The following EYS variants were observed in gnomAD, a reference collection of about 807,000 sequenced individuals.
EYS encodes protein eyes shut homolog.
EYS carries 250 observed loss-of-function variants against 282.1 expected under a neutral mutation model. The observed-to-expected ratio is 0.89, with a 90% CI of 0.80 to 0.98. The LOEUF is 0.98. Among genes scored for constraint, EYS ranks in the 50% least tolerant of loss-of-function variants. The pLI is 0.00. For missense variants in EYS, 4,016 were observed against 3,709.0 expected, an observed-to-expected ratio of 1.08 and a Z score of -2.15; for synonymous variants, 1,355 against 1,282.9, an observed-to-expected ratio of 1.06 and a Z score of -1.20.
At chr6:64,016,075 C>T (rs1185018395) in intron 33 of EYS, among the ~76,000 whole-genome samples, 1 of 152,114 alleles carries the variant, frequency 6.6e-6, no homozygotes, top group East Asian at 1.9e-4. Context: ...CCACCTGGTA[C>T]CTTTGGGCTG....
At chr6:65,288,542 T>A (rs1203684835) in intron 12 of EYS, among the ~76,000 whole-genome samples, 1 of 150,884 alleles carries the variant, frequency 6.6e-6, no homozygotes, top group East Asian at 1.9e-4. Flanking sequence ...CCTCCTACCA[T>A]CAAACATCTT....
intron 26 of EYS, among the ~76,000 whole-genome samples, chr6:64,528,306 C>T (rs959350339): frequency 1.3e-5 from 2 of 151,872 alleles, no homozygotes; most frequent in Admixed American, 6.6e-5. Context: ...CCTCTTTTCA[C>T]TTCCGCATCA....
chr6:65,527,713 G>T (rs1767621064), intron 2 of EYS, among the ~76,000 whole-genome samples: 1 of 152,078 alleles, frequency 6.6e-6, no homozygotes, highest in Non-Finnish European at 1.5e-5. Context: ...AGGGAGACCG[G>T]GCATACACCT....
chr6:64,362,119 A>G (rs1354677141), intron 29 of EYS, among the ~76,000 whole-genome samples: 1 of 151,786 alleles, frequency 6.6e-6, no homozygotes, highest in Non-Finnish European at 1.5e-5. Context: ...GCTGCCATTT[A>G]TCTCCTCATA....
intron 28 of EYS, among the ~76,000 whole-genome samples, chr6:64,407,253 T>C (rs1170931220): frequency 6.9e-6 from 1 of 145,466 alleles, no homozygotes; most frequent in Non-Finnish European, 1.5e-5. Context: ...AAAAATGAGA[T>C]CACATGGACA....
At chr6:64,053,008 T>C (rs1410870958) in intron 33 of EYS, among the ~76,000 whole-genome samples, 1 of 152,164 alleles carries the variant, frequency 6.6e-6, no homozygotes, top group African/African-American at 2.4e-5. Context: ...GGCAAATACA[T>C]TAAAATTTTT....
At chr6:64,782,243 T>G (rs1330288654) in intron 22 of EYS, among the ~76,000 whole-genome samples, 1 of 152,222 alleles carries the variant, frequency 6.6e-6, no homozygotes, top group Admixed American at 6.5e-5. Context: ...TGCAATTCAA[T>G]GTAGATTACA....
intron 12 of EYS, among the ~76,000 whole-genome samples, chr6:65,128,465 C>G (rs1212793607): frequency 1.3e-5 from 2 of 151,978 alleles, no homozygotes; most frequent in South Asian, 4.1e-4. Context: ...AACTGATAGA[C>G]AACTTCAGTA....
chr6:65,510,429 G>T, intron 2 of EYS, among the ~76,000 whole-genome samples: 1 of 151,632 alleles, frequency 6.6e-6, no homozygotes, highest in East Asian at 1.9e-4. Context: ...TGGACATTTG[G>T]GAAATTTTTC....
chr6:64,536,961 T>A (rs1402849265), intron 26 of EYS, among the ~76,000 whole-genome samples: 1 of 152,004 alleles, frequency 6.6e-6, no homozygotes, highest in Non-Finnish European at 1.5e-5. Context: ...CATTTGTTTA[T>A]GTATTAGAGC....
intron 12 of EYS, among the ~76,000 whole-genome samples, chr6:65,191,881 C>T (rs962612335): frequency 4.6e-5 from 7 of 151,690 alleles, no homozygotes; most frequent in African/African-American, 1.7e-4. Flanking sequence ...TTTACAACTG[C>T]TAACTAGAAA....
chr6:65,072,706 A>T (rs752823721), intron 12 of EYS, among the ~76,000 whole-genome samples: 17 of 151,858 alleles, frequency 1.1e-4, no homozygotes, highest in Non-Finnish European at 2.1e-4. Context: ...TAATGAGGTC[A>T]TCAAATTCAA....
chr6:63,820,960 A>G (rs4142265), intron 36 of EYS, among the ~76,000 whole-genome samples: 1 of 152,136 alleles, frequency 6.6e-6, no homozygotes, highest in East Asian at 1.9e-4. Flanking sequence ...GATCAGACTC[A>G]AAAGCTTTGA....
chr6:64,548,528 G>C (rs1293219010), intron 26 of EYS, among the ~76,000 whole-genome samples: 2 of 152,098 alleles, frequency 1.3e-5, no homozygotes, highest in Non-Finnish European at 2.9e-5. Context: ...GTGCTTCGTG[G>C]GGACATGGAT....
At chr6:64,581,514 A>T (rs554273191) in intron 26 of EYS, among the ~76,000 whole-genome samples, 1 of 152,312 alleles carries the variant, frequency 6.6e-6, no homozygotes, top group East Asian at 1.9e-4. Context: ...CTATGTAAGA[A>T]AAATTTTCAA....
At chr6:64,722,828 C>T (rs1771627099) in intron 22 of EYS, among the ~76,000 whole-genome samples, 1 of 152,044 alleles carries the variant, frequency 6.6e-6, no homozygotes, top group Non-Finnish European at 1.5e-5. Flanking sequence ...TTCTTTAGAA[C>T]ATGAATAAGT....
At chr6:64,430,690 G>A (rs1432460216) in intron 28 of EYS, among the ~76,000 whole-genome samples, 1 of 151,904 alleles carries the variant, frequency 6.6e-6, no homozygotes, top group East Asian at 1.9e-4. Context: ...CTTCCTCGTG[G>A]GTGCAAAGCT....
intron 34 of EYS, among the ~76,000 whole-genome samples, chr6:63,990,014 C>A (rs1352363796): frequency 6.6e-6 from 1 of 151,462 alleles, no homozygotes; most frequent in Non-Finnish European, 1.5e-5. Flanking sequence ...ATCTCCTCAC[C>A]TTTTTGAAGG....
intron 15 of EYS, among the ~76,000 whole-genome samples, chr6:64,925,949 T>G (rs1343294658): frequency 6.6e-6 from 1 of 152,084 alleles, no homozygotes; most frequent in African/African-American, 2.4e-5. Context: ...GAATAATCAT[T>G]GCTGGGCCTA....
Sources: gnomAD v4.1 joint callset for allele counts (sites outside exome capture counted in the v4.1 genomes callset) on GRCh38, gnomAD v4.1.1 for gene constraint, MANE v1.5 for transcripts, NCBI Gene and HGNC (gene_info 2026-07-23, HGNC 2026-07-21) for gene names.